The following PLCB4 variants were observed in gnomAD, a reference collection of about 807,000 sequenced individuals.
PLCB4 encodes 1-phosphatidylinositol 4,5-bisphosphate phosphodiesterase beta-4.
A neutral mutation model predicts 178.8 loss-of-function variants in PLCB4; 77 were observed. The observed-to-expected ratio is 0.43, with a 90% CI of 0.36 to 0.52. PLCB4 has a LOEUF of 0.52. PLCB4 is among the 20% of genes least tolerant of loss of function. PLCB4 has a pLI of 0.00. For missense variants in PLCB4, 1,024 were observed against 1,453.4 expected (o/e 0.70, Z 4.80); for synonymous variants, 496 against 490.8 (o/e 1.01, Z -0.14).
intron 2 of PLCB4, among the ~76,000 whole-genome samples, chr20:9,146,379 T>C (rs1236836225): frequency 6.6e-6 from 1 of 152,072 alleles, no homozygotes. Flanking sequence ...ATGGATAGCA[T>C]GTACACACAA....
At chr20:9,473,422 CA>C in intron 38 of PLCB4, 57 bp downstream of exon 38, 1 of 946,172 alleles carries the variant, frequency 1.1e-6, no homozygotes. Context: ...TTGGGATACA[CA>C]TGCCATGGCC....
rs1167027409 is a variant in PLCB4, at chr20:9,436,999, C to T, written c.2614-3C>T. On this transcript the variant is annotated splice_region_variant and splice_polypyrimidine_tract_variant and intron_variant, in intron 29 of 39. Transcript: ENST00000378473. ...TGGGTCAATGTAAATGTTTCTGTTC[C>T]AGAGTGACATAGCCGACGTGCCCAG... 7.4e-6 allele frequency: 12 copies of T among 1,613,606 alleles called. No homozygotes were observed. In the Admixed American group the frequency reaches 1.5e-4, roughly 20 times the overall value.
chr20:9,311,216 G>T (rs1194730032), intron 4 of PLCB4, among the ~76,000 whole-genome samples: 1 of 152,160 alleles, frequency 6.6e-6, no homozygotes, highest in Non-Finnish European at 1.5e-5. Context: ...ATTCCTAGGT[G>T]CTTACCCACT....
chr20:9,349,804 A>C (rs1405832843), intron 7 of PLCB4, among the ~76,000 whole-genome samples: 6 of 152,202 alleles, frequency 3.9e-5, no homozygotes, highest in Non-Finnish European at 1.5e-5. Flanking sequence ...AATGTCACTG[A>C]CTTTAAATTG....
chr20:9,230,473 G>A (rs1348627142), intron 3 of PLCB4, among the ~76,000 whole-genome samples: 6 of 152,090 alleles, frequency 3.9e-5, no homozygotes, highest in Admixed American at 6.6e-5. Flanking sequence ...AGGGGAATCT[G>A]TAGACTGAAA....
intron 35 of PLCB4, among the ~76,000 whole-genome samples, chr20:9,460,889 A>G (rs1286493975): frequency 6.6e-6 from 1 of 152,158 alleles, no homozygotes; most frequent in East Asian, 1.9e-4. Context: ...GCAGTCTCCC[A>G]TGCTCCATTT....
At chr20:9,452,716 C>T (rs933593427) in intron 32 of PLCB4, among the ~76,000 whole-genome samples, 1 of 152,108 alleles carries the variant, frequency 6.6e-6, no homozygotes, top group Non-Finnish European at 1.5e-5. Flanking sequence ...ATCTGTAAAA[C>T]AGAAGGCCAT....
intron 2 of PLCB4, among the ~76,000 whole-genome samples, chr20:9,155,698 G>T (rs541075785): frequency 6.6e-6 from 1 of 152,178 alleles, no homozygotes; most frequent in Non-Finnish European, 1.5e-5. Flanking sequence ...GAAACCACCA[G>T]CTGGTGAATA....
intron 7 of PLCB4, among the ~76,000 whole-genome samples, chr20:9,358,087 G>C (rs2148205903): frequency 6.6e-6 from 1 of 152,242 alleles, no homozygotes; most frequent in South Asian, 2.1e-4. Context: ...GAGTAGTAAG[G>C]GTTTGCAACA....
Position 9,307,459 on chromosome 20 carries a change from A to G in PLCB4, c.-15-341A>G, listed in dbSNP as rs989552753. Among the ~76,000 whole-genome samples the G allele has an allele frequency of 5.4e-5, 8 of 147,330 alleles. No homozygotes were observed. The East Asian group carries it at 1.6e-3, about 30-fold the overall frequency. The stretch of plus-strand genomic sequence containing the variant: ...ATTGATTTTGGTCTACGGTTTCCTT[A>G]TTTTATCTGGTGCCTTCAGATTTTA... On this transcript the variant is annotated intron_variant, in intron 3 of 39. Transcript: ENST00000378473.
intron 35 of PLCB4, 84 bp downstream of exon 35, chr20:9,459,894 T>C: frequency 1.2e-6 from 1 of 844,084 alleles, no homozygotes; most frequent in Non-Finnish European, 1.9e-6. Flanking sequence ...GCCAAGGTAA[T>C]AAGTGAAATC....
rs764990183 is a variant in PLCB4, at chr20:9,468,675, A to T, written c.3350+3A>T. The T allele has an allele frequency of 6.4e-7, 1 of 1,552,188 alleles. No individual in the cohort carries two copies. Among genetic ancestry groups the T allele is most frequent in the Admixed American group, 1.7e-5 (1 of 59,926 alleles). ...AAGAATAAAGCAGAACGGGAAAGGT[A>T]AGTCTGAGAGTGTTCACTGCAGGAA... is the stretch of plus-strand genomic sequence containing the variant. On this transcript the variant is annotated splice_donor_region_variant and intron_variant, in intron 36 of 39. Coordinates refer to ENST00000378473, the MANE Select transcript of PLCB4 (RefSeq NM_001377142.1).
At chr20:9,092,491 G>A (rs1413751132) in intron 1 of PLCB4, among the ~76,000 whole-genome samples, 1 of 152,140 alleles carries the variant, frequency 6.6e-6, no homozygotes, top group Admixed American at 6.6e-5. Flanking sequence ...TTACTGAGCA[G>A]TTATAGGGTG....
At chr20:9,223,727 A>C (rs1230376989) in intron 3 of PLCB4, among the ~76,000 whole-genome samples, 2 of 152,262 alleles carry the variant, frequency 1.3e-5, no homozygotes, top group Non-Finnish European at 1.5e-5. Context: ...CTTGGAAGTC[A>C]TGCATGGTCA....
At chr20:9,169,344 C>T (rs1040786) in intron 2 of PLCB4, among the ~76,000 whole-genome samples, 29,924 of 151,052 alleles carry the variant, frequency 0.2, 3,059 homozygotes, top group African/African-American at 0.25. Context: ...TTCCAGCACT[C>T]TGGGAGGCCG....
At chr20:9,443,679 C>T (rs1451862213) in intron 30 of PLCB4, among the ~76,000 whole-genome samples, 3 of 152,118 alleles carry the variant, frequency 2.0e-5, no homozygotes, top group Non-Finnish European at 4.4e-5. Context: ...TGTTCCTCTG[C>T]CCTGCTCCAC....
rs569960122 is a variant in PLCB4 at position 9,379,596 on chromosome 20, C to T, written c.745-458C>T. 3.3e-5 allele frequency among the ~76,000 whole-genome samples: 5 copies of T among 152,122 alleles called. No homozygotes were observed. In the East Asian group the frequency reaches 9.7e-4, roughly 29 times the overall value. ...TGATGTTTGCCTGTGTAACATTAGG[C>T]TTTTTGTTGTTATTGCTTTTGGGGT... On this transcript the variant is annotated intron_variant, in intron 12 of 39. Coordinates refer to ENST00000378473, the MANE Select transcript of PLCB4 (RefSeq NM_001377142.1).
intron 3 of PLCB4, among the ~76,000 whole-genome samples, chr20:9,241,434 C>G (rs991482595): frequency 2.0e-5 from 3 of 151,168 alleles, no homozygotes; most frequent in Non-Finnish European, 2.9e-5. Flanking sequence ...TCACTCCAAA[C>G]CACACAAGAG....
chr20:9,164,979 T>G (rs573303873), intron 2 of PLCB4, among the ~76,000 whole-genome samples: 2 of 152,298 alleles, frequency 1.3e-5, no homozygotes, highest in Admixed American at 1.3e-4. Flanking sequence ...CACATATGCA[T>G]GCAAACACTA....
Sources: gnomAD v4.1 joint callset for allele counts (sites outside exome capture counted in the v4.1 genomes callset) on GRCh38, gnomAD v4.1.1 for gene constraint, MANE v1.5 for transcripts, NCBI Gene and HGNC (gene_info 2026-07-23, HGNC 2026-07-21) for gene names.